Variants in SCGB2A1 observed in about 807,000 individuals in gnomAD.
SCGB2A1 encodes mammaglobin-B.
SCGB2A1 carries 6 observed loss-of-function variants against 9.2 expected under a neutral mutation model. The ratio of observed to expected loss-of-function variants is 0.66; its 90% CI spans 0.36 to 1.29. The LOEUF is 1.29. SCGB2A1 is among the 50% of genes most tolerant of loss of function. The pLI, the probability that SCGB2A1 is intolerant of heterozygous loss-of-function variation, is 0.03. For missense variants in SCGB2A1, 138 were observed against 116.9 expected (o/e 1.18, Z -0.83); for synonymous variants, 37 against 41.0 (o/e 0.90, Z 0.37).
At chr11:62,213,534 C>A in intron 2 of SCGB2A1, 192 bp from the exon 3 acceptor site, 1 of 547,558 alleles carries the variant, frequency 1.8e-6, no homozygotes, top group East Asian at 3.0e-5. Context: ...AACCCTGGCC[C>A]CTGTTTGGCA....
rs906207484 is a variant in SCGB2A1 at position 62,213,002 on chromosome 11, A to G, written c.244-724A>G. ...TGTGCACATATACATGCATATATGT[A>G]CACATATATGCACATATATACATAT... On this transcript the variant is annotated intron_variant, in intron 2 of 2. Coordinates refer to ENST00000244930, the MANE Select transcript of SCGB2A1 (RefSeq NM_002407.3). Among the ~76,000 whole-genome samples the G allele has an allele frequency of 4.2e-3, 346 of 81,486 alleles. 3 individuals are homozygous for G. The highest frequency in any genetic ancestry group is 0.013 in the African/African-American group (314 of 24,176). 53.5% of individuals were successfully genotyped at this position (81,486 alleles called of 152,430 possible).
At chr11:62,212,530 G>A (rs908522119) in intron 2 of SCGB2A1, among the ~76,000 whole-genome samples, 9 of 151,822 alleles carry the variant, frequency 5.9e-5, no homozygotes, top group Admixed American at 1.3e-4. Context: ...AGCTGCTTGG[G>A]TGGCTGAGGC....
chr11:62,211,898 T>C lies in SCGB2A1; in HGVS notation c.243+1298T>C, dbSNP rs1944833984. On this transcript the variant is annotated intron_variant, in intron 2 of 2. Transcript: ENST00000244930. Reference sequence around the variant, plus strand: ...GAGTATTTCTGTCTGTTTATAAAGATGTGTTGGTTACGAGTTTTGTTTTTT... The same window carrying C: ...GAGTATTTCTGTCTGTTTATAAAGACGTGTTGGTTACGAGTTTTGTTTTTT... 2.6e-5 allele frequency among the ~76,000 whole-genome samples: 4 copies of C among 152,140 alleles called. No homozygotes were observed. In the South Asian group the frequency reaches 8.3e-4, roughly 32 times the overall value.
In SCGB2A1 at chr11:62,212,989, C is replaced by CACAT. The variant is rs1446440074; in HGVS notation, c.244-736_244-735insCATA. 3.2e-4 allele frequency among the ~76,000 whole-genome samples: 43 copies of CACAT among 135,670 alleles called. 1 individual carries two copies. The highest frequency in any genetic ancestry group is 1.3e-3 in the African/African-American group (42 of 33,554). 89.0% of individuals were successfully genotyped at this position (135,670 alleles called of 152,430 possible). ...ATGTACACATATATGTGCACATATA[C>CACAT]ATGCATATATGTACACATATATGCA... On this transcript the variant is annotated intron_variant, in intron 2 of 2. Transcript: ENST00000244930.
intron 2 of SCGB2A1, among the ~76,000 whole-genome samples, chr11:62,212,355 G>A (rs1944837143): frequency 6.6e-6 from 1 of 151,596 alleles, no homozygotes; most frequent in Admixed American, 6.6e-5. Flanking sequence ...ACTCAGATTA[G>A]CCAGGTGCAT....
chr11:62,213,681 AT>A, intron 2 of SCGB2A1, 44 bp from the exon 3 acceptor site: 1 of 1,565,434 alleles, frequency 6.4e-7, no homozygotes, highest in Non-Finnish European at 8.7e-7. Flanking sequence ...ATTTGATTTA[AT>A]AAGTGAAATT....
chr11:62,212,910 A>T (rs1416770087), intron 2 of SCGB2A1, among the ~76,000 whole-genome samples: 3 of 144,146 alleles, frequency 2.1e-5, no homozygotes, highest in Non-Finnish European at 4.4e-5. Context: ...ATATATATAC[A>T]TATATATACA....
intron 2 of SCGB2A1, among the ~76,000 whole-genome samples, chr11:62,213,051 C>CACATATATACACATATAT (rs1156751304): frequency 1.3e-5 from 1 of 76,870 alleles, no homozygotes; most frequent in East Asian, 2.5e-4. Flanking sequence ...TACATATATA[C>CACATATATACACATATAT]ACATATATAC....
chr11:62,212,824 C>T (rs1466603157), intron 2 of SCGB2A1, among the ~76,000 whole-genome samples: 1 of 151,850 alleles, frequency 6.6e-6, no homozygotes, highest in Admixed American at 6.6e-5. Flanking sequence ...CAGCCTCCAT[C>T]TCCTGGGCTC....
At chr11:62,213,704 G>A (rs750056895) in intron 2 of SCGB2A1, 22 bp from the exon 3 acceptor site, 2 of 1,604,506 alleles carry the variant, frequency 1.2e-6, no homozygotes, top group Admixed American at 3.5e-5. Context: ...GCAAACCTAA[G>A]TGACCTGCTT....
At chr11:62,208,926 A>G (rs894573810) in intron 1 of SCGB2A1, 140 bp downstream of exon 1, 17 of 727,734 alleles carry the variant, frequency 2.3e-5, no homozygotes, top group Middle Eastern at 2.4e-4. Context: ...TAGGATCCCC[A>G]TGAGTTCCTG....
chr11:62,211,787 C>G (rs1173221271), intron 2 of SCGB2A1, among the ~76,000 whole-genome samples: 1 of 152,158 alleles, frequency 6.6e-6, no homozygotes, highest in Non-Finnish European at 1.5e-5. Flanking sequence ...AATTAAGTGC[C>G]TCATGAAGTG....
At chr11:62,211,213 C>G (rs949824900) in intron 2 of SCGB2A1, among the ~76,000 whole-genome samples, 2 of 151,702 alleles carry the variant, frequency 1.3e-5, no homozygotes, top group African/African-American at 4.8e-5. Flanking sequence ...TCTGAGCCCC[C>G]GCACCCAGCC....
At position 62,213,051 on chromosome 11, in the gene SCGB2A1, C is replaced by T. The variant is rs61893728; in HGVS notation, c.244-675C>T. Among the ~76,000 whole-genome samples the T allele has an allele frequency of 7.9e-4, 61 of 76,862 alleles. 2 individuals carry two copies. The highest frequency in any genetic ancestry group is 1.4e-3 in the African/African-American group (34 of 24,314). 50.4% of individuals were successfully genotyped at this position (76,862 alleles called of 152,430 possible). A position where few individuals can be genotyped will look rare whatever the true frequency, so the allele number is the denominator to read the frequency against. On this transcript the variant is annotated intron_variant, in intron 2 of 2. Coordinates refer to ENST00000244930, the MANE Select transcript of SCGB2A1 (RefSeq NM_002407.3). Reference sequence around the variant, plus strand: ...ATATACACACATATATACATATATACACATATATACACATATATACATATA... The same window carrying T: ...ATATACACACATATATACATATATATACATATATACACATATATACATATA...
intron 2 of SCGB2A1, among the ~76,000 whole-genome samples, chr11:62,212,957 T>C (rs1235192015): frequency 1.3e-5 from 1 of 78,550 alleles, no homozygotes; most frequent in African/African-American, 3.5e-5. Context: ...CACACATATG[T>C]ACACATATGT....
Position 62,213,067 on chromosome 11 carries a change from T to C in SCGB2A1, c.244-659T>C, listed in dbSNP as rs1312181834. On this transcript the variant is annotated intron_variant, in intron 2 of 2. Coordinates refer to ENST00000244930, the MANE Select transcript of SCGB2A1 (RefSeq NM_002407.3). ...ACATATATACACATATATACACATA[T>C]ATACATATATACACATATATACACA... is the stretch of plus-strand genomic sequence containing the variant. Among the ~76,000 whole-genome samples, 5 of 55,486 alleles carry C rather than the reference T, an allele frequency of 9.0e-5. No homozygotes were observed. The East Asian group carries it at 9.2e-4, about 10-fold the overall frequency. The allele number at this position is 55,486 out of a possible 152,430, so 36.4% of individuals were successfully genotyped here.
At chr11:62,212,879 G>A (rs1413058571) in intron 2 of SCGB2A1, among the ~76,000 whole-genome samples, 1 of 147,454 alleles carries the variant, frequency 6.8e-6, no homozygotes, top group Admixed American at 6.7e-5. Flanking sequence ...GCGACTACAG[G>A]TGCACACTAA....
chr11:62,212,956 GTA>G (rs1944843360), intron 2 of SCGB2A1, among the ~76,000 whole-genome samples: 1 of 83,462 alleles, frequency 1.2e-5, no homozygotes, highest in Non-Finnish European at 3.8e-5. Flanking sequence ...ACACACATAT[GTA>G]CACATATGTA....
chr11:62,210,739 C>G, intron 2 of SCGB2A1, 139 bp downstream of exon 2: 1 of 616,806 alleles, frequency 1.6e-6, no homozygotes. Context: ...TGTCTCCAGG[C>G]TGCTTTGCCA....
Sources: gnomAD v4.1 joint callset for allele counts (sites outside exome capture counted in the v4.1 genomes callset) on GRCh38, gnomAD v4.1.1 for gene constraint, MANE v1.5 for transcripts, NCBI Gene and HGNC (gene_info 2026-07-23, HGNC 2026-07-21) for gene names.